The following EXT2 variants were observed in gnomAD, a reference collection of about 807,000 sequenced individuals.
The protein encoded by EXT2 is exostosin glycosyltransferase 2.
In EXT2, 53 loss-of-function variants were observed where a neutral mutation model predicts 81.6. The observed-to-expected ratio is 0.65, with a 90% CI of 0.52 to 0.82. The LOEUF is 0.82. Ranked by LOEUF, EXT2 falls within the 40% of genes least tolerant of loss-of-function variation. EXT2 has a pLI of 0.00. For missense variants in EXT2, 774 were observed against 910.2 expected (o/e 0.85, Z 1.93); for synonymous variants, 320 against 340.0 (o/e 0.94, Z 0.65).
At chr11:44,171,019 C>A (rs1212428602) in intron 7 of EXT2, among the ~76,000 whole-genome samples, 3 of 152,168 alleles carry the variant, frequency 2.0e-5, no homozygotes, top group Non-Finnish European at 4.4e-5. Flanking sequence ...AACCTTGATA[C>A]CATAACCTGA....
intron 10 of EXT2, among the ~76,000 whole-genome samples, chr11:44,226,379 A>G (rs1010319333): frequency 6.6e-6 from 1 of 152,214 alleles, no homozygotes; most frequent in Non-Finnish European, 1.5e-5. Context: ...ACTAGTCAGC[A>G]TTAGGGAACT....
chr11:44,121,400 C>G (rs1355723758), intron 4 of EXT2, among the ~76,000 whole-genome samples: 1 of 152,094 alleles, frequency 6.6e-6, no homozygotes, highest in Admixed American at 6.5e-5. Flanking sequence ...TATTGAAAAC[C>G]ATGCATTCAT....
intron 8 of EXT2, among the ~76,000 whole-genome samples, chr11:44,185,956 A>G (rs755941215): frequency 1.3e-5 from 2 of 152,340 alleles, no homozygotes; most frequent in South Asian, 2.1e-4. Flanking sequence ...ACCTCTCATA[A>G]GATGTAGTAG....
chr11:44,176,416 A>G (rs1381417165), intron 8 of EXT2, among the ~76,000 whole-genome samples: 1 of 152,232 alleles, frequency 6.6e-6, no homozygotes, highest in Non-Finnish European at 1.5e-5. Context: ...GAGAGGTAAC[A>G]TAAGCATAAA....
At chr11:44,219,858 G>A (rs1258721244) in intron 10 of EXT2, among the ~76,000 whole-genome samples, 3 of 152,230 alleles carry the variant, frequency 2.0e-5, no homozygotes, top group Admixed American at 2.0e-4. Context: ...CATACCTGCA[G>A]TGCATCCACT....
intron 7 of EXT2, among the ~76,000 whole-genome samples, chr11:44,132,943 A>G (rs907642735): frequency 1.1e-4 from 17 of 152,180 alleles, no homozygotes; most frequent in African/African-American, 4.1e-4. Flanking sequence ...TCAATTAGAT[A>G]TGAGATTATC....
At chr11:44,125,055 C>A (rs1042424172) in intron 5 of EXT2, 71 bp downstream of exon 5, 5 of 1,480,676 alleles carry the variant, frequency 3.4e-6, no homozygotes, top group African/African-American at 1.4e-5. Context: ...TTGAGCCCAG[C>A]GAACCTGAGT....
At chr11:44,109,538 T>A (rs975845958) in intron 3 of EXT2, among the ~76,000 whole-genome samples, 4 of 152,156 alleles carry the variant, frequency 2.6e-5, no homozygotes, top group Non-Finnish European at 4.4e-5. Flanking sequence ...GTGTAACACA[T>A]CCAGCCCCCA....
intron 7 of EXT2, among the ~76,000 whole-genome samples, chr11:44,144,968 G>C (rs574097686): frequency 2.0e-5 from 3 of 152,294 alleles, no homozygotes; most frequent in African/African-American, 7.2e-5. Flanking sequence ...TCATGAGGCT[G>C]TGTGTTCAGT....
At chr11:44,132,319 G>A (rs1954505093) in intron 7 of EXT2, among the ~76,000 whole-genome samples, 1 of 152,182 alleles carries the variant, frequency 6.6e-6, no homozygotes, top group Non-Finnish European at 1.5e-5. Flanking sequence ...AGATAAGCTT[G>A]GTCATTTTCA....
chr11:44,180,580 T>G (rs1039807948), intron 8 of EXT2, among the ~76,000 whole-genome samples: 2 of 152,208 alleles, frequency 1.3e-5, no homozygotes, highest in Non-Finnish European at 2.9e-5. Flanking sequence ...TCATCTCTCC[T>G]GTAGCCCCTC....
intron 4 of EXT2, among the ~76,000 whole-genome samples, chr11:44,120,847 T>G (rs1168559445): frequency 6.6e-6 from 1 of 152,250 alleles, no homozygotes; most frequent in Non-Finnish European, 1.5e-5. Flanking sequence ...AGTTTACAAC[T>G]GTTACTATTG....
At chr11:44,125,524 C>CCATTATA (rs1954388066) in intron 5 of EXT2, among the ~76,000 whole-genome samples, 1 of 152,076 alleles carries the variant, frequency 6.6e-6, no homozygotes, top group Non-Finnish European at 1.5e-5. Context: ...CTTCCATAAC[C>CCATTATA]ATAGGGAAAG....
chr11:44,098,220 C>T (rs539824041), intron 1 of EXT2, among the ~76,000 whole-genome samples: 95 of 152,178 alleles, frequency 6.2e-4, no homozygotes, highest in Admixed American at 2.0e-3. Flanking sequence ...CTTGTTTCCT[C>T]GGATGATGGT....
intron 6 of EXT2, among the ~76,000 whole-genome samples, chr11:44,127,305 G>T (rs1257085651): frequency 6.6e-6 from 1 of 152,072 alleles, no homozygotes; most frequent in Non-Finnish European, 1.5e-5. Context: ...CATCACAGGG[G>T]TCCCCAACTC....
chr11:44,201,577 G>C (rs1040578072), intron 9 of EXT2, among the ~76,000 whole-genome samples: 4 of 152,238 alleles, frequency 2.6e-5, no homozygotes, highest in East Asian at 3.9e-4. Flanking sequence ...GCCCCTCTGT[G>C]TCTATTTAGA....
intron 4 of EXT2, among the ~76,000 whole-genome samples, chr11:44,122,332 C>G (rs1449982564): frequency 6.6e-6 from 1 of 152,056 alleles, no homozygotes; most frequent in Non-Finnish European, 1.5e-5. Flanking sequence ...AAGGAAGTTT[C>G]CCTGCTTGTC....
intron 7 of EXT2, among the ~76,000 whole-genome samples, chr11:44,166,647 A>G (rs1175102527): frequency 6.6e-6 from 1 of 152,224 alleles, no homozygotes; most frequent in African/African-American, 2.4e-5. Context: ...GAAGCAGAGT[A>G]AGCACATCTA....
chr11:44,096,377 T>G, intron 1 of EXT2: 1 of 1,490,740 alleles, frequency 6.7e-7, no homozygotes, highest in Non-Finnish European at 9.0e-7. Flanking sequence ...GGGGGCGTGT[T>G]AGGCCGGGGA....
Sources: gnomAD v4.1 joint callset for allele counts (sites outside exome capture counted in the v4.1 genomes callset) on GRCh38, gnomAD v4.1.1 for gene constraint, MANE v1.5 for transcripts, NCBI Gene and HGNC (gene_info 2026-07-23, HGNC 2026-07-21) for gene names.